Variants in STIM2 observed in about 807,000 individuals in gnomAD.
The protein encoded by STIM2 is stromal interaction molecule 2.
A neutral mutation model predicts 85.8 loss-of-function variants in STIM2; 31 were observed. The observed-to-expected ratio is 0.36, with a 90% CI of 0.27 to 0.49. The LOEUF (loss-of-function observed/expected upper bound fraction) is 0.49. Ranked by LOEUF, STIM2 falls within the 20% of genes least tolerant of loss-of-function variation. STIM2 has a pLI of 0.98. For synonymous variants in STIM2, 356 were observed against 331.1 expected, an observed-to-expected ratio of 1.08 and a Z score of -0.82; for missense variants, 841 against 927.6, an observed-to-expected ratio of 0.91 and a Z score of 1.21.
At chr4:26,900,419 T>G (rs1158301493) in intron 1 of STIM2, among the ~76,000 whole-genome samples, 1 of 152,192 alleles carries the variant, frequency 6.6e-6, no homozygotes, top group Non-Finnish European at 1.5e-5. Context: ...TTACTAATAA[T>G]TAAAACTGCT....
rs574722566 is a variant in STIM2, at chr4:27,006,108, A to G, written c.982-1425A>G. ...ATTAAACACAGTATTGTCCCAAGCC[A>G]TTGCAGTTAGTTATGTAGGCAGATG... On this transcript the variant is annotated intron_variant, in intron 7 of 11. Transcript: ENST00000467087. Among the ~76,000 whole-genome samples, 26 of 152,332 alleles carry G rather than the reference A, an allele frequency of 1.7e-4. No individual in the cohort carries two copies. In the East Asian group the frequency reaches 3.7e-3, roughly 21 times the overall value.
At chr4:26,943,450 G>A (rs1279239293) in intron 2 of STIM2, among the ~76,000 whole-genome samples, 2 of 152,020 alleles carry the variant, frequency 1.3e-5, no homozygotes, top group East Asian at 3.9e-4. Flanking sequence ...CCCCAGTTTT[G>A]GCCAGTGGAA....
chr4:26,898,369 A>G (rs1723786444), intron 1 of STIM2, among the ~76,000 whole-genome samples: 1 of 152,106 alleles, frequency 6.6e-6, no homozygotes, highest in Admixed American at 6.5e-5. Context: ...GAGTCACATC[A>G]TGTTTGGTTT....
chr4:26,915,101 A>G (rs1036835883), intron 1 of STIM2, among the ~76,000 whole-genome samples: 2 of 152,232 alleles, frequency 1.3e-5, no homozygotes, highest in African/African-American at 2.4e-5. Flanking sequence ...CAAGTTACTC[A>G]TGAGTCTTAC....
intron 2 of STIM2, among the ~76,000 whole-genome samples, chr4:26,947,283 T>C (rs78049030): frequency 0.017 from 2,567 of 152,254 alleles, 78 homozygotes; most frequent in African/African-American, 0.059. Context: ...AAAATAAGTA[T>C]GGAATAAACA....
chr4:26,933,733 C>CAAAA (rs771503772), intron 2 of STIM2, among the ~76,000 whole-genome samples: 43 of 47,700 alleles, frequency 9.0e-4, no homozygotes, highest in South Asian at 1.6e-3. Context: ...GACCTGATCT[C>CAAAA]AAAAAAAAAA....
chr4:27,002,913 T>C lies in STIM2; in HGVS notation c.804-14T>C, dbSNP rs758019846. 2.0e-6 allele frequency: 3 copies of C among 1,487,212 alleles called. No individual in the cohort carries two copies. The highest frequency in any genetic ancestry group is 2.7e-6 in the Non-Finnish European group (3 of 1,124,176). 92.1% of individuals were successfully genotyped at this position (1,487,212 alleles called of 1,614,324 possible). On this transcript the variant is annotated splice_polypyrimidine_tract_variant and intron_variant, in intron 6 of 11. Coordinates refer to ENST00000467087, the MANE Select transcript of STIM2 (RefSeq NM_020860.4). ...AATTTTTGTGAGGAATTTTTATTTT[T>C]ATTGTTCTATAAGGCTTGAAAAGGC...
At chr4:26,987,404 G>T (rs774165096) in intron 3 of STIM2, among the ~76,000 whole-genome samples, 15 of 152,198 alleles carry the variant, frequency 9.9e-5, no homozygotes, top group Admixed American at 2.0e-4. Context: ...TTTGATAGCA[G>T]CATGGGTGAG....
intron 1 of STIM2, among the ~76,000 whole-genome samples, chr4:26,905,820 A>G (rs1022425666): frequency 1.3e-5 from 2 of 152,188 alleles, no homozygotes; most frequent in African/African-American, 4.8e-5. Context: ...AAGAACTTGC[A>G]TTACTTTTAG....
intron 11 of STIM2, among the ~76,000 whole-genome samples, chr4:27,018,732 G>T (rs1311090811): frequency 6.6e-6 from 1 of 152,182 alleles, no homozygotes; most frequent in Non-Finnish European, 1.5e-5. Context: ...ACTGGACACG[G>T]TTGACTCAGA....
rs181642464 is a variant in STIM2 at position 26,995,171 on chromosome 4, A to G, written c.398-208A>G. On this transcript the variant is annotated intron_variant, in intron 3 of 11. Coordinates refer to ENST00000467087, the MANE Select transcript of STIM2 (RefSeq NM_020860.4). Reference sequence around the variant, plus strand: ...TGTTTATTTTCGAATTAATCATGCTAATCTTTGTCCTAATTGCTTTTACTA... The same window carrying G: ...TGTTTATTTTCGAATTAATCATGCTGATCTTTGTCCTAATTGCTTTTACTA... Among the ~76,000 whole-genome samples the G allele has an allele frequency of 2.6e-4, 39 of 152,206 alleles. No individual in the cohort carries two copies. The East Asian group carries it at 3.7e-3, about 14-fold the overall frequency.
chr4:27,007,721 A>G (rs1433476764), intron 8 of STIM2, 21 bp downstream of exon 8: 1 of 1,527,144 alleles, frequency 6.5e-7, no homozygotes, highest in African/African-American at 1.4e-5. Flanking sequence ...GTATTTCAAA[A>G]TTTACTAAAT....
chr4:26,970,656 T>C (rs1442187053), intron 3 of STIM2, among the ~76,000 whole-genome samples: 2 of 152,236 alleles, frequency 1.3e-5, no homozygotes, highest in Non-Finnish European at 2.9e-5. Context: ...GTTGAACATT[T>C]GGGTTGGTTC....
chr4:26,963,189 G>T (rs1726548705), intron 3 of STIM2, among the ~76,000 whole-genome samples: 1 of 151,634 alleles, frequency 6.6e-6, no homozygotes, highest in South Asian at 2.1e-4. Context: ...TTTTATAAAA[G>T]GAAATATAAA....
intron 1 of STIM2, among the ~76,000 whole-genome samples, chr4:26,910,027 C>A (rs186129978): frequency 6.6e-6 from 1 of 152,012 alleles, no homozygotes; most frequent in East Asian, 1.9e-4. Flanking sequence ...ATGTGTGTAC[C>A]CAAATCTTTT....
In STIM2 at chr4:26,940,923, A is replaced by C. The variant is rs548568922; in HGVS notation, c.283-16689A>C. On this transcript the variant is annotated intron_variant, in intron 2 of 11. Transcript: ENST00000467087. The stretch of plus-strand genomic sequence containing the variant: ...TCTGGGATGAGACCCAAGAATTTGC[A>C]TTTCTAATAGATTCCCAGGCAGTGC... Among the ~76,000 whole-genome samples, 10 of 152,246 alleles carry C rather than the reference A, an allele frequency of 6.6e-5. No homozygotes were observed. In the South Asian group the frequency reaches 1.7e-3, roughly 25 times the overall value.
At chr4:26,961,127 G>A (rs1460868052) in intron 3 of STIM2, among the ~76,000 whole-genome samples, 1 of 152,048 alleles carries the variant, frequency 6.6e-6, no homozygotes, top group Non-Finnish European at 1.5e-5. Context: ...TAACTTTATA[G>A]AAGGATGGAT....
intron 3 of STIM2, among the ~76,000 whole-genome samples, chr4:26,992,072 G>A (rs1369162894): frequency 6.6e-6 from 1 of 152,008 alleles, no homozygotes; most frequent in Non-Finnish European, 1.5e-5. Flanking sequence ...ATTCTTAAAT[G>A]AGTAATTCTT....
At chr4:26,997,215 A>G (rs1026310578) in intron 4 of STIM2, among the ~76,000 whole-genome samples, 2 of 152,200 alleles carry the variant, frequency 1.3e-5, no homozygotes, top group African/African-American at 4.8e-5. Context: ...TGGTATCTGT[A>G]GACATAAGAA....
Sources: allele counts gnomAD v4.1 joint callset (sites outside exome capture counted in the v4.1 genomes callset), GRCh38; gene constraint gnomAD v4.1.1; transcripts MANE v1.5; gene names NCBI Gene and HGNC (gene_info 2026-07-23, HGNC 2026-07-21).